The following SLCO1C1 variants were observed in gnomAD, a reference collection of about 807,000 sequenced individuals.
SLCO1C1 encodes OAT-RP-5.
Under a neutral mutation model 76.4 loss-of-function variants are expected in SLCO1C1, and 70 were observed. That is an observed-to-expected ratio of 0.92 (90% CI 0.76 to 1.12). SLCO1C1 has a LOEUF of 1.12. Among genes scored for constraint, SLCO1C1 ranks in the 50% most tolerant of loss-of-function variants. SLCO1C1 has a pLI of 0.00. For synonymous variants in SLCO1C1, 306 were observed against 286.1 expected (o/e 1.07, Z -0.70); for missense variants, 912 against 823.8 (o/e 1.11, Z -1.31).
intron 2 of SLCO1C1, 159 bp downstream of exon 2, chr12:20,699,864 C>G: frequency 1.4e-6 from 1 of 717,222 alleles, no homozygotes. Flanking sequence ...GCGGTGCAAG[C>G]AATCTCTACC....
At chr12:20,711,151 C>A (rs567669690) in intron 4 of SLCO1C1, among the ~76,000 whole-genome samples, 1 of 152,234 alleles carries the variant, frequency 6.6e-6, no homozygotes, top group East Asian at 1.9e-4. Flanking sequence ...CATCTTGGGC[C>A]ACATGCAACC....
At chr12:20,751,369 C>T (rs1014202644) in intron 14 of SLCO1C1, among the ~76,000 whole-genome samples, 2 of 151,952 alleles carry the variant, frequency 1.3e-5, no homozygotes, top group African/African-American at 2.4e-5. Flanking sequence ...CAGTTCAGCT[C>T]ATTAAACATT....
chr12:20,697,771 T>C (rs916632022), intron 1 of SLCO1C1, among the ~76,000 whole-genome samples: 3 of 152,082 alleles, frequency 2.0e-5, no homozygotes, highest in Non-Finnish European at 4.4e-5. Flanking sequence ...AGAGTTAATT[T>C]GGATTTGCTA....
intron 3 of SLCO1C1, among the ~76,000 whole-genome samples, chr12:20,704,542 G>A (rs10770706): frequency 0.64 from 96,679 of 151,102 alleles, 31,170 homozygotes; most frequent in East Asian, 0.81. Context: ...TAAATTATTC[G>A]TTTTTTAATA....
At chr12:20,740,842 A>G (rs1948785897) in intron 12 of SLCO1C1, among the ~76,000 whole-genome samples, 1 of 80,036 alleles carries the variant, frequency 1.2e-5, no homozygotes, top group Non-Finnish European at 2.6e-5. Context: ...TATTTTTGCC[A>G]TGACTGGAAT....
rs145645178 is a variant in SLCO1C1 at position 20,735,804 on chromosome 12, C to T, written c.1383-1303C>T. Among the ~76,000 whole-genome samples the T allele has an allele frequency of 1.2e-3, 181 of 152,116 alleles. 1 individual carries two copies. The highest frequency in any genetic ancestry group is 3.4e-3 in the Middle Eastern group (1 of 294). On this transcript the variant is annotated intron_variant, in intron 10 of 14. Coordinates refer to ENST00000266509, the MANE Select transcript of SLCO1C1 (RefSeq NM_017435.5). ...GGCTCAAGTGATTAATTTATTTCTC[C>T]AAAATAAAGTACCATTTTTTAATTG...
chr12:20,752,406 A>G lies in SLCO1C1; in HGVS notation c.2017A>G (p.Arg673Gly). The G allele has an allele frequency of 6.2e-7, 1 of 1,613,494 alleles. No homozygotes were observed. The highest frequency in any genetic ancestry group is 1.1e-5 in the South Asian group (1 of 91,024). The change falls in exon 15 of 15, where the codon AGA becomes GGA. Residue 673 changes from arginine (R) to glycine (G), a missense_variant. By Grantham distance (125) the Arg-to-Gly change is moderately radical. Coordinates refer to ENST00000266509, the MANE Select transcript of SLCO1C1 (RefSeq NM_017435.5). ...ILKKNYVSKHRSFITKRERTM... is the reference protein window; with the variant it reads ...ILKKNYVSKHGSFITKRERTM... ...AAAGAAAAATTATGTTTCAAAACAC[A>G]GAAGTTTTATAACCAAGAGAGAAAG...
At position 20,724,244 on chromosome 12, in the gene SLCO1C1, T is replaced by C. The variant is rs145045405; in HGVS notation, c.1186+990T>C. ...ACCCCATGCATGCTAATCAATGCTT[T>C]ATATTGATTTTAACATGAATAGATG... is the stretch of plus-strand genomic sequence containing the variant. On this transcript the variant is annotated intron_variant, in intron 9 of 14. Transcript: ENST00000266509. Among the ~76,000 whole-genome samples the C allele has an allele frequency of 9.6e-3, 1,452 of 151,788 alleles. 27 individuals are homozygous for C. The highest frequency in any genetic ancestry group is 0.038 in the Admixed American group (577 of 15,228).
At chr12:20,724,437 ATATATATATATATATGTGTGTG>A (rs1947846639) in intron 9 of SLCO1C1, among the ~76,000 whole-genome samples, 2 of 125,760 alleles carry the variant, frequency 1.6e-5, no homozygotes, top group Middle Eastern at 4.7e-3. Context: ...ATATATATAT[ATATATATATATATATGTGTGTG>A]TGTGTGTGTG....
chr12:20,729,738 T>C (rs1338697227), intron 9 of SLCO1C1, among the ~76,000 whole-genome samples: 1 of 151,526 alleles, frequency 6.6e-6, no homozygotes, highest in Non-Finnish European at 1.5e-5. Flanking sequence ...AAGATGATGA[T>C]ACCTAAATCA....
intron 9 of SLCO1C1, among the ~76,000 whole-genome samples, chr12:20,723,869 A>G (rs151034979): frequency 1.3e-4 from 20 of 152,138 alleles, no homozygotes; most frequent in African/African-American, 3.9e-4. Context: ...AAGGCATAAC[A>G]TATTTGTTTC....
chr12:20,734,341 G>A (rs1339705185), intron 10 of SLCO1C1, among the ~76,000 whole-genome samples: 2 of 152,184 alleles, frequency 1.3e-5, no homozygotes, highest in African/African-American at 2.4e-5. Context: ...GCTGAGTGTA[G>A]TGCTGCCTTA....
At chr12:20,725,125 TAATA>T (rs1947904745) in intron 9 of SLCO1C1, among the ~76,000 whole-genome samples, 1 of 137,002 alleles carries the variant, frequency 7.3e-6, no homozygotes, top group Non-Finnish European at 1.5e-5. Flanking sequence ...CTATCATATA[TAATA>T]TATAAAATAC....
At chr12:20,717,038 G>T in intron 6 of SLCO1C1, 94 bp from the exon 7 acceptor site, 1 of 1,098,152 alleles carries the variant, frequency 9.1e-7, no homozygotes, top group South Asian at 1.4e-5. Context: ...TTGAGCTACT[G>T]ACTGGATCAC....
intron 5 of SLCO1C1, among the ~76,000 whole-genome samples, chr12:20,713,110 C>A (rs987642727): frequency 6.3e-5 from 9 of 142,770 alleles, no homozygotes; most frequent in African/African-American, 2.1e-4. Flanking sequence ...GACGGAGTCT[C>A]GCTCTGTCGC....
intron 8 of SLCO1C1, among the ~76,000 whole-genome samples, chr12:20,722,760 G>A (rs1271379866): frequency 6.6e-6 from 1 of 152,212 alleles, no homozygotes; most frequent in East Asian, 1.9e-4. Context: ...GTGGCTCCCA[G>A]CTAGATGATG....
Position 20,701,333 on chromosome 12 carries a change from T to G in SLCO1C1, c.145T>G (p.Leu49Val). Residue 49 changes from leucine (L) to valine (V), a missense_variant, in exon 3 of 15, where the codon TTG becomes GTG. Coordinates refer to ENST00000266509, the MANE Select transcript of SLCO1C1 (RefSeq NM_017435.5). ...TATTTTCCAGGTGTTCTTGTGTGCC[T>G]TGTCTTTTGTTTACTTTGCCAAAGC... is the stretch of plus-strand genomic sequence containing the variant. ...CGELKVFLCA[L>V]SFVYFAKALA... The G allele has an allele frequency of 6.5e-7, 1 of 1,534,500 alleles. No individual in the cohort carries two copies. Among genetic ancestry groups the G allele is most frequent in the East Asian group, 2.3e-5 (1 of 43,202 alleles).
At chr12:20,724,858 A>T (rs943191735) in intron 9 of SLCO1C1, among the ~76,000 whole-genome samples, 9 of 145,840 alleles carry the variant, frequency 6.2e-5, no homozygotes, top group Non-Finnish European at 1.4e-4. Flanking sequence ...ATAATAATAT[A>T]TATTATAAAT....
intron 8 of SLCO1C1, among the ~76,000 whole-genome samples, chr12:20,722,290 G>T (rs1947718448): frequency 6.6e-6 from 1 of 152,202 alleles, no homozygotes; most frequent in African/African-American, 2.4e-5. Flanking sequence ...CCTCAGTTTA[G>T]ATCCTACCAT....
Sources: allele counts gnomAD v4.1 joint callset (sites outside exome capture counted in the v4.1 genomes callset), GRCh38; gene constraint gnomAD v4.1.1; transcripts MANE v1.5; gene names NCBI Gene and HGNC (gene_info 2026-07-23, HGNC 2026-07-21).